Variants in NT5C1B observed in about 807,000 individuals in gnomAD.
NT5C1B encodes the protein 5'-nucleotidase, cytosolic IB, also known as cytosolic 5'-nucleotidase 1B.
In NT5C1B, 44 loss-of-function variants were observed where a neutral mutation model predicts 57.8. That is an observed-to-expected ratio of 0.76 (90% confidence interval 0.60 to 0.98). NT5C1B has a LOEUF of 0.98. Among genes scored for constraint, NT5C1B ranks in the 50% least tolerant of loss-of-function variants. The pLI, the probability that NT5C1B is intolerant of heterozygous loss-of-function variation, is 0.00. For synonymous variants in NT5C1B, 284 were observed against 282.6 expected (o/e 1.00, Z -0.05); for missense variants, 742 against 719.5 (o/e 1.03, Z -0.36).
At chr2:18,581,738 T>A (rs1403183292) in intron 6 of NT5C1B, among the ~76,000 whole-genome samples, 1 of 152,182 alleles carries the variant, frequency 6.6e-6, no homozygotes, top group African/African-American at 2.4e-5. Flanking sequence ...TCCCTCTTCT[T>A]AAGGAGATCA....
At chr2:18,568,156 T>C (rs1371593511) in intron 8 of NT5C1B, among the ~76,000 whole-genome samples, 2 of 149,444 alleles carry the variant, frequency 1.3e-5, no homozygotes, top group African/African-American at 4.9e-5. Context: ...AAAGGAAATA[T>C]AGACAATTAT....
chr2:18,582,155 A>C (rs1172950980), intron 6 of NT5C1B, among the ~76,000 whole-genome samples: 1 of 152,232 alleles, frequency 6.6e-6, no homozygotes, highest in Admixed American at 6.5e-5. Context: ...AAGGCAAAAA[A>C]ATTTAAAATG....
intron 8 of NT5C1B, among the ~76,000 whole-genome samples, chr2:18,565,954 T>G (rs1664605472): frequency 6.6e-6 from 1 of 152,182 alleles, no homozygotes; most frequent in Non-Finnish European, 1.5e-5. Context: ...GGGTAATAAC[T>G]CTATTGGAAG....
Position 18,584,629 on chromosome 2 carries a change from G to C in NT5C1B, c.608C>G (p.Ser203Cys), listed in dbSNP as rs146399000. 1.3e-5 allele frequency: 21 copies of C among 1,613,028 alleles called. No individual in the cohort carries two copies. The highest frequency in any genetic ancestry group is 1.6e-4 in the Middle Eastern group (1 of 6,084). ...CTGCTGCTGCTGCTGCTCGGACAGA[G>C]AGTTGCGGTCCAGCTGGGTGGAGGC... Residue 203 changes from serine (S) to cysteine (C), a missense_variant, in exon 4 of 9, where the codon TCT becomes TGT. Ser to Cys is a moderately radical substitution (Grantham distance 112). Coordinates refer to ENST00000304081, the Ensembl canonical transcript of NT5C1B. The surrounding 1 kb of genome is among the most constrained non-coding windows in gnomAD (Gnocchi z 5.8).
At chr2:18,567,481 A>G (rs1248697662) in intron 8 of NT5C1B, among the ~76,000 whole-genome samples, 1 of 152,182 alleles carries the variant, frequency 6.6e-6, no homozygotes, top group South Asian at 2.1e-4. Flanking sequence ...GGAAGGGGTA[A>G]GAATGAGGAG....
intron 6 of NT5C1B, 112 bp from the exon 7 acceptor site, chr2:18,577,007 CTTTA>C (rs1665746568): frequency 6.5e-7 from 1 of 1,538,046 alleles, no homozygotes; most frequent in Admixed American, 2.2e-5. Context: ...ATTCAACTGG[CTTTA>C]TTTGTGAACC....
chr2:18,586,187 G>T, intron 3 of NT5C1B, 67 bp downstream of exon 3: 2 of 1,575,080 alleles, frequency 1.3e-6, no homozygotes, highest in Admixed American at 1.7e-5. Context: ...CACGTAGAAA[G>T]CATCAATAAA....
chr2:18,577,717 G>T (rs1237490174), intron 6 of NT5C1B, among the ~76,000 whole-genome samples: 3 of 149,738 alleles, frequency 2.0e-5, no homozygotes, highest in Admixed American at 6.6e-5. Context: ...AAAAAAGAAA[G>T]AAAAAAACTA....
intron 8 of NT5C1B, among the ~76,000 whole-genome samples, chr2:18,572,142 A>G (rs897638641): frequency 6.6e-6 from 1 of 151,462 alleles, no homozygotes; most frequent in Non-Finnish European, 1.5e-5. Flanking sequence ...ACAATGTAAT[A>G]TTGATAAAGG....
rs1666691043 is a variant in NT5C1B at position 18,586,187 on chromosome 2, G to A, written c.258+67C>T. On this transcript the variant is annotated intron_variant, in intron 3 of 8. Coordinates refer to ENST00000304081, the Ensembl canonical transcript of NT5C1B. ...ATAAACAGGGCCTGGCACGTAGAAA[G>A]CATCAATAAATGTTAACCATTGTTA... The A allele has an allele frequency of 3.2e-6, 5 of 1,575,080 alleles. No individual in the cohort carries two copies. In the Admixed American group the frequency reaches 5.2e-5, roughly 16 times the overall value.
chr2:18,587,709 A>T lies in NT5C1B; in HGVS notation c.31-117T>A, dbSNP rs113694814. Reference sequence around the variant, plus strand: ...AATTTATTTATTTGCCAATATAAAAAGGTATAAACTCTAGACCTTAGTTTC... The same window carrying T: ...AATTTATTTATTTGCCAATATAAAATGGTATAAACTCTAGACCTTAGTTTC... On this transcript the variant is annotated intron_variant, in intron 1 of 8. Transcript: ENST00000304081. The T allele has an allele frequency of 4.2e-6, 5 of 1,199,264 alleles. No individual in the cohort carries two copies. In the African/African-American group the frequency reaches 4.7e-5, roughly 11 times the overall value. 74.3% of individuals were successfully genotyped at this position (1,199,264 alleles called of 1,614,324 possible).
chr2:18,586,414 A>C (rs1487164532), intron 2 of NT5C1B, 23 bp from the exon 3 acceptor site: 1 of 1,612,874 alleles, frequency 6.2e-7, no homozygotes, highest in East Asian at 2.2e-5. Flanking sequence ...GAAGAAACCC[A>C]ACGGTGTAAA....
chr2:18,582,469 G>A (rs1666264496), intron 6 of NT5C1B, among the ~76,000 whole-genome samples: 2 of 152,338 alleles, frequency 1.3e-5, no homozygotes, highest in South Asian at 4.1e-4. Context: ...GATTTTAAGA[G>A]TGGAAAGGAG....
intron 2 of NT5C1B, chr2:18,586,842 G>T: frequency 1.4e-6 from 2 of 1,392,452 alleles, no homozygotes; most frequent in Non-Finnish European, 1.9e-6. Context: ...TGCTGAAAAG[G>T]AATGGAGCCC....
intron 1 of NT5C1B, among the ~76,000 whole-genome samples, chr2:18,588,803 A>G (rs751963746): frequency 2.0e-5 from 3 of 152,174 alleles, no homozygotes; most frequent in Non-Finnish European, 2.9e-5. Context: ...ATTCCTGGAT[A>G]AACACTTTCT....
chr2:18,588,395 T>C (rs971025788), intron 1 of NT5C1B, among the ~76,000 whole-genome samples: 3 of 152,154 alleles, frequency 2.0e-5, no homozygotes, highest in African/African-American at 7.2e-5. Context: ...ACTAGAGCAG[T>C]CTATATTCAT....
rs144387028 is a variant in NT5C1B at position 18,587,166 on chromosome 2, C to T, written c.120+337G>A. 433 of 1,612,620 alleles carry T rather than the reference C, an allele frequency of 2.7e-4. 1 individual carries two copies. In the African/African-American group the frequency reaches 3.3e-3, roughly 12 times the overall value. ...CAGCGAGTGATTCGGATTGACTGCA[C>T]GCCTCATCTGAAAGATTGTGCAGAA... On this transcript the variant is annotated intron_variant, in intron 2 of 8. Transcript: ENST00000304081.
intron 3 of NT5C1B, among the ~76,000 whole-genome samples, 198 bp downstream of exon 3, chr2:18,586,056 C>T (rs190393027): frequency 8.5e-4 from 130 of 152,254 alleles, no homozygotes; most frequent in Non-Finnish European, 1.4e-3. Context: ...AATGTGAAAC[C>T]TTAAACAAGT....
chr2:18,586,487 C>T, intron 2 of NT5C1B, 96 bp from the exon 3 acceptor site: 1 of 1,535,360 alleles, frequency 6.5e-7, no homozygotes, highest in Admixed American at 1.9e-5. Flanking sequence ...CTGAATATAG[C>T]AGCACCCAGT....
Sources: allele counts gnomAD v4.1 joint callset (sites outside exome capture counted in the v4.1 genomes callset), GRCh38; gene constraint gnomAD v4.1.1; non-coding constraint Gnocchi (gnomAD v3.1); transcripts MANE v1.5; gene names NCBI Gene and HGNC (gene_info 2026-07-23, HGNC 2026-07-21).